ERBB4: variants seen among roughly 807,000 people sequenced by gnomAD.
The protein encoded by ERBB4 is receptor tyrosine-protein kinase erbB-4.
A neutral mutation model predicts 158.0 loss-of-function variants in ERBB4; 42 were observed. The ratio of observed to expected loss-of-function variants is 0.27; its 90% CI spans 0.21 to 0.34. The LOEUF (loss-of-function observed/expected upper bound fraction) is 0.34, where lower values mean the gene tolerates loss of function less well. Among genes scored for constraint, ERBB4 ranks in the 10% least tolerant of loss-of-function variants. The probability of loss-of-function intolerance (pLI) is 1.00; values close to 1 mark genes in which losing one functional copy is unlikely to be tolerated. For missense variants in ERBB4, 1,333 were observed against 1,624.1 expected (o/e 0.82, Z 3.08); for synonymous variants, 583 against 558.7 (o/e 1.04, Z -0.61).
intron 3 of ERBB4, among the ~76,000 whole-genome samples, chr2:211,901,973 T>C (rs1168636866): frequency 6.6e-6 from 1 of 152,180 alleles, no homozygotes; most frequent in African/African-American, 2.4e-5. Context: ...ACCACTTTTA[T>C]GTTCTGTTAT....
At chr2:212,525,221 T>A (rs1056296522) in intron 1 of ERBB4, among the ~76,000 whole-genome samples, 1 of 151,974 alleles carries the variant, frequency 6.6e-6, no homozygotes, top group African/African-American at 2.4e-5. Flanking sequence ...GTAAAGTTAT[T>A]TTTTTTCATA....
intron 2 of ERBB4, among the ~76,000 whole-genome samples, chr2:211,948,692 A>C (rs2125142359): frequency 6.6e-6 from 1 of 152,188 alleles, no homozygotes. Context: ...AAAAATACTC[A>C]AGTATTTGGT....
At chr2:212,508,905 T>C (rs1221854128) in intron 1 of ERBB4, among the ~76,000 whole-genome samples, 13 of 152,142 alleles carry the variant, frequency 8.5e-5, no homozygotes. Flanking sequence ...CCAATTTCAA[T>C]AATTGATTAC....
chr2:211,712,833 A>G lies in ERBB4; in HGVS notation c.998-657T>C, dbSNP rs146188690. The stretch of plus-strand genomic sequence containing the variant: ...GGATAAGGAAGAAACAGAGAGGGAG[A>G]GAGAGAAAACATCATCTAAAAGTAA... On this transcript the variant is annotated intron_variant, in intron 8 of 27. Transcript: ENST00000342788. Among the ~76,000 whole-genome samples, 6 of 152,166 alleles carry G rather than the reference A, an allele frequency of 3.9e-5. No individual in the cohort carries two copies. The East Asian group carries it at 1.2e-3, about 29-fold the overall frequency.
At chr2:211,934,866 CT>C (rs1272740037) in intron 3 of ERBB4, among the ~76,000 whole-genome samples, 2 of 138,908 alleles carry the variant, frequency 1.4e-5, no homozygotes, top group Non-Finnish European at 3.1e-5. Flanking sequence ...ATCTGTATCT[CT>C]TTTAGAATCA....
chr2:211,525,843 G>T (rs1388621474), intron 20 of ERBB4, among the ~76,000 whole-genome samples: 1 of 152,080 alleles, frequency 6.6e-6, no homozygotes, highest in Non-Finnish European at 1.5e-5. Flanking sequence ...GGTGACCACA[G>T]GGTGAGTCTC....
chr2:212,079,071 G>A (rs2078357233), intron 2 of ERBB4, among the ~76,000 whole-genome samples: 1 of 149,276 alleles, frequency 6.7e-6, no homozygotes, highest in Non-Finnish European at 1.5e-5. Flanking sequence ...ACCTATTATT[G>A]ATAATCCATT....
intron 2 of ERBB4, among the ~76,000 whole-genome samples, chr2:212,046,420 G>T (rs1001674239): frequency 2.0e-5 from 3 of 152,124 alleles, no homozygotes; most frequent in African/African-American, 7.2e-5. Flanking sequence ...TCTGGTAAGG[G>T]AGTATTTTGC....
intron 1 of ERBB4, among the ~76,000 whole-genome samples, chr2:212,391,498 C>A (rs1226994352): frequency 2.7e-5 from 4 of 150,210 alleles, no homozygotes; most frequent in Non-Finnish European, 5.9e-5. Context: ...ATTTTAACCC[C>A]TAAACTAAAA....
chr2:211,453,287 A>C (rs1222966267), intron 20 of ERBB4, among the ~76,000 whole-genome samples: 2 of 152,218 alleles, frequency 1.3e-5, no homozygotes, highest in Non-Finnish European at 2.9e-5. Flanking sequence ...TCAAGTCTTA[A>C]GCTCATTTTA....
chr2:212,361,952 T>C lies in ERBB4; in HGVS notation c.82+176497A>G, dbSNP rs903382990. Reference sequence around the variant, plus strand: ...CAATATAATAACAAAATTTGATGAATATGTAAAATAGGTTATATCCATTTA... The same window carrying C: ...CAATATAATAACAAAATTTGATGAACATGTAAAATAGGTTATATCCATTTA... On this transcript the variant is annotated intron_variant, in intron 1 of 27. Transcript: ENST00000342788. Among the ~76,000 whole-genome samples the C allele has an allele frequency of 3.3e-5, 5 of 151,660 alleles. No individual in the cohort carries two copies. The Admixed American group carries it at 3.3e-4, about 10-fold the overall frequency.
chr2:211,634,209 T>G (rs2070267395), intron 16 of ERBB4, among the ~76,000 whole-genome samples: 1 of 152,244 alleles, frequency 6.6e-6, no homozygotes, highest in East Asian at 1.9e-4. Flanking sequence ...AAGTTTAGCT[T>G]TGTAATAATG....
intron 3 of ERBB4, among the ~76,000 whole-genome samples, chr2:211,891,328 G>A: frequency 9.1e-6 from 1 of 109,840 alleles, no homozygotes; most frequent in African/African-American, 4.1e-5. Context: ...ACGAAATGAA[G>A]GCAGAAATAA....
At chr2:211,917,942 T>C (rs2079745770) in intron 3 of ERBB4, among the ~76,000 whole-genome samples, 2 of 152,138 alleles carry the variant, frequency 1.3e-5, no homozygotes, top group Non-Finnish European at 2.9e-5. Flanking sequence ...AAGAGTCCAC[T>C]GGGGGAACCA....
intron 1 of ERBB4, among the ~76,000 whole-genome samples, chr2:212,155,233 C>A (rs1474061539): frequency 6.6e-6 from 1 of 151,922 alleles, no homozygotes; most frequent in Non-Finnish European, 1.5e-5. Context: ...TAATTATTTA[C>A]CCACACAAAA....
At chr2:211,464,958 T>G (rs1027341051) in intron 20 of ERBB4, among the ~76,000 whole-genome samples, 4 of 129,792 alleles carry the variant, frequency 3.1e-5, no homozygotes, top group African/African-American at 1.0e-4. Context: ...CCACTGGAGC[T>G]TACCTTGTTT....
At chr2:212,463,754 G>T (rs534973695) in intron 1 of ERBB4, among the ~76,000 whole-genome samples, 4 of 152,094 alleles carry the variant, frequency 2.6e-5, no homozygotes, top group Admixed American at 2.6e-4. Flanking sequence ...AGTTTCATTC[G>T]ATTAGCTTCA....
intron 20 of ERBB4, among the ~76,000 whole-genome samples, chr2:211,520,222 G>A (rs1457714097): frequency 1.3e-5 from 2 of 152,140 alleles, no homozygotes; most frequent in Admixed American, 6.5e-5. Flanking sequence ...TGTTTCATAC[G>A]GGGTGTTTGC....
At position 211,445,880 on chromosome 2, in the gene ERBB4, T is replaced by C. The variant is rs371170650; in HGVS notation, c.2488-14780A>G. Reference sequence around the variant, plus strand: ...TGAGAGGAGCCAGTGAGTCAGGAGATTGATGATACAGGTTGAGAAGAAATG... The same window carrying C: ...TGAGAGGAGCCAGTGAGTCAGGAGACTGATGATACAGGTTGAGAAGAAATG... On this transcript the variant is annotated intron_variant, in intron 20 of 27. Coordinates refer to ENST00000342788, the MANE Select transcript of ERBB4 (RefSeq NM_005235.3). Among the ~76,000 whole-genome samples, 22 of 152,146 alleles carry C rather than the reference T, an allele frequency of 1.4e-4. 1 individual carries two copies. The East Asian group carries it at 1.7e-3, about 12-fold the overall frequency.
Sources: allele counts gnomAD v4.1 joint callset (sites outside exome capture counted in the v4.1 genomes callset), GRCh38; gene constraint gnomAD v4.1.1; transcripts MANE v1.5; gene names NCBI Gene and HGNC (gene_info 2026-07-23, HGNC 2026-07-21).